IMMP2L: variants seen among roughly 807,000 people sequenced by gnomAD.
IMMP2L encodes the protein mitochondrial inner membrane protease subunit 2.
In IMMP2L, 18 loss-of-function variants were observed where a neutral mutation model predicts 19.3. The observed-to-expected ratio is 0.93, with a 90% CI of 0.64 to 1.38. The LOEUF (loss-of-function observed/expected upper bound fraction) is 1.38. Ranked by LOEUF, IMMP2L falls within the 40% of genes most tolerant of loss-of-function variation. IMMP2L has a pLI of 0.00. For missense variants in IMMP2L, 233 were observed against 218.2 expected (o/e 1.07, Z -0.43); for synonymous variants, 76 against 73.0 (o/e 1.04, Z -0.21).
At position 110,987,300 on chromosome 7, in the gene IMMP2L, G is replaced by A. The variant is rs367890456; in HGVS notation, c.240-23735C>T. 1.7e-3 allele frequency among the ~76,000 whole-genome samples: 256 copies of A among 152,286 alleles called. 1 individual carries two copies. Among genetic ancestry groups the A allele is most frequent in the African/African-American group, 6.0e-3 (251 of 41,574 alleles). On this transcript the variant is annotated intron_variant, in intron 3 of 5. Coordinates refer to ENST00000405709, the MANE Select transcript of IMMP2L (RefSeq NM_032549.4). ...TTTTAAACTCTTGACAGGGGAAAGGGTAATCAGAGTTGACAGCTATTGGCA... is the reference window on the plus strand; with the variant it reads ...TTTTAAACTCTTGACAGGGGAAAGGATAATCAGAGTTGACAGCTATTGGCA...
At chr7:111,057,458 T>C (rs1218306405) in intron 3 of IMMP2L, among the ~76,000 whole-genome samples, 2 of 151,992 alleles carry the variant, frequency 1.3e-5, no homozygotes, top group East Asian at 1.9e-4. Context: ...AGAACAGATA[T>C]GTAAGAATTT....
intron 1 of IMMP2L, among the ~76,000 whole-genome samples, chr7:111,553,575 G>C (rs898979851): frequency 1.3e-5 from 2 of 151,558 alleles, no homozygotes; most frequent in African/African-American, 4.9e-5. Flanking sequence ...AAATATTACT[G>C]ACACTGAGAC....
chr7:111,398,490 C>A (rs1234845343), intron 3 of IMMP2L, among the ~76,000 whole-genome samples: 1 of 151,964 alleles, frequency 6.6e-6, no homozygotes, highest in East Asian at 1.9e-4. Flanking sequence ...TAATAAAAGC[C>A]ATTTATGACA....
chr7:110,692,802 G>A (rs1429900494), intron 5 of IMMP2L, among the ~76,000 whole-genome samples: 2 of 152,160 alleles, frequency 1.3e-5, no homozygotes, highest in Admixed American at 1.3e-4. Context: ...TGAAAGGCAG[G>A]AGATTGTATT....
At chr7:111,268,836 G>T (rs2130173946) in intron 3 of IMMP2L, among the ~76,000 whole-genome samples, 1 of 151,936 alleles carries the variant, frequency 6.6e-6, no homozygotes, top group African/African-American at 2.4e-5. Context: ...CTGGGCTCAA[G>T]CAATCCTCCT....
At chr7:111,401,338 A>ATTTC (rs1833404376) in intron 3 of IMMP2L, among the ~76,000 whole-genome samples, 1 of 152,132 alleles carries the variant, frequency 6.6e-6, no homozygotes, top group South Asian at 2.1e-4. Flanking sequence ...ATTAAAGTCA[A>ATTTC]TTTTCTGCCT....
chr7:110,984,526 A>G (rs2129558581), intron 3 of IMMP2L, among the ~76,000 whole-genome samples: 1 of 152,242 alleles, frequency 6.6e-6, no homozygotes, highest in East Asian at 1.9e-4. Context: ...CAGAGTTGTA[A>G]TAGGGACTAA....
chr7:111,492,452 C>T, intron 2 of IMMP2L: 1 of 927,492 alleles, frequency 1.1e-6, no homozygotes, highest in Non-Finnish European at 1.3e-6. Context: ...ATGTTTTTTC[C>T]CCACTTGGAA....
At chr7:110,897,262 A>G (rs1390765620) in intron 4 of IMMP2L, among the ~76,000 whole-genome samples, 2 of 152,206 alleles carry the variant, frequency 1.3e-5, no homozygotes, top group Non-Finnish European at 1.5e-5. Context: ...TATGGGGGGT[A>G]AATGTTGTAC....
intron 3 of IMMP2L, among the ~76,000 whole-genome samples, chr7:111,049,753 A>C (rs375751049): frequency 4.6e-5 from 7 of 152,330 alleles, no homozygotes; most frequent in African/African-American, 1.7e-4. Flanking sequence ...AAAATGCAAG[A>C]CCATTTTTGC....
At chr7:110,939,656 G>A (rs916521520) in intron 4 of IMMP2L, among the ~76,000 whole-genome samples, 1 of 152,126 alleles carries the variant, frequency 6.6e-6, no homozygotes, top group African/African-American at 2.4e-5. Flanking sequence ...ACAAATATAT[G>A]TCCTTTAGAA....
chr7:110,781,128 C>T (rs1454212197), intron 5 of IMMP2L, among the ~76,000 whole-genome samples: 1 of 151,880 alleles, frequency 6.6e-6, no homozygotes, highest in Non-Finnish European at 1.5e-5. Context: ...TTTAGTTATA[C>T]ATACTATGTT....
intron 5 of IMMP2L, among the ~76,000 whole-genome samples, chr7:110,755,651 A>G (rs1337940931): frequency 1.3e-5 from 2 of 152,116 alleles, no homozygotes; most frequent in African/African-American, 4.8e-5. Flanking sequence ...AGATCCTTAC[A>G]GTGTTCTATG....
In IMMP2L at chr7:110,760,215, A is replaced by G. The variant is rs1798270411; in HGVS notation, c.409-96494T>C. Among the ~76,000 whole-genome samples the G allele has an allele frequency of 6.6e-6, 1 of 152,156 alleles. No individual in the cohort carries two copies. Among genetic ancestry groups the G allele is most frequent in the African/African-American group, 2.4e-5 (1 of 41,442 alleles). ...TCTCCACGTCCAGGCCTAAGATAGT[A>G]TCATTCCCTTTCTATTAGTGTTTAT... On this transcript the variant is annotated intron_variant, in intron 5 of 5. Transcript: ENST00000405709. The surrounding 1 kb of genome is among the most constrained non-coding windows in gnomAD (Gnocchi z 4.2).
intron 5 of IMMP2L, among the ~76,000 whole-genome samples, chr7:110,697,048 G>A (rs921779685): frequency 1.3e-5 from 2 of 152,124 alleles, no homozygotes; most frequent in Non-Finnish European, 2.9e-5. Flanking sequence ...TGAGCACTTG[G>A]GGAAATGAAG....
rs982079434 is a variant in IMMP2L at position 110,823,326 on chromosome 7, T to C, written c.408+63267A>G. Among the ~76,000 whole-genome samples the C allele has an allele frequency of 3.3e-5, 5 of 152,160 alleles. No individual in the cohort carries two copies. The East Asian group carries it at 9.7e-4, about 29-fold the overall frequency. On this transcript the variant is annotated intron_variant, in intron 5 of 5. Coordinates refer to ENST00000405709, the MANE Select transcript of IMMP2L (RefSeq NM_032549.4). ...TATATTATAAAAATATAGTTGCATATACAGTAGACACAAGTTTGTCTGTAT... is the reference window on the plus strand; with the variant it reads ...TATATTATAAAAATATAGTTGCATACACAGTAGACACAAGTTTGTCTGTAT...
At chr7:110,718,290 ATCTTT>A (rs1443845274) in intron 5 of IMMP2L, among the ~76,000 whole-genome samples, 1 of 152,224 alleles carries the variant, frequency 6.6e-6, no homozygotes, top group Admixed American at 6.5e-5. Flanking sequence ...CAATGCTGCT[ATCTTT>A]TTAAAAGGGT....
chr7:111,500,873 A>G (rs1032902038), intron 2 of IMMP2L, among the ~76,000 whole-genome samples: 1 of 152,184 alleles, frequency 6.6e-6, no homozygotes, highest in Non-Finnish European at 1.5e-5. Flanking sequence ...AAGATGGGGG[A>G]AAAACAGAGC....
Position 110,767,114 on chromosome 7 carries a change from T to C in IMMP2L, c.409-103393A>G, listed in dbSNP as rs1215634219. On this transcript the variant is annotated intron_variant, in intron 5 of 5. Transcript: ENST00000405709. ...TTGTTCTAGTATTTATTTTGCAAGATGCCAAACTGACCTTTCAGTCTGTCA... is the reference window on the plus strand; with the variant it reads ...TTGTTCTAGTATTTATTTTGCAAGACGCCAAACTGACCTTTCAGTCTGTCA... 2.6e-5 allele frequency among the ~76,000 whole-genome samples: 4 copies of C among 152,184 alleles called. No individual in the cohort carries two copies. The East Asian group carries it at 7.7e-4, about 29-fold the overall frequency.
Sources: allele counts gnomAD v4.1 joint callset (sites outside exome capture counted in the v4.1 genomes callset), GRCh38; gene constraint gnomAD v4.1.1; non-coding constraint Gnocchi (gnomAD v3.1); transcripts MANE v1.5; gene names NCBI Gene and HGNC (gene_info 2026-07-23, HGNC 2026-07-21).